SRRM1: variants seen among roughly 807,000 people sequenced by gnomAD.
SRRM1 encodes the protein serine and arginine repetitive matrix 1.
In SRRM1, 19 loss-of-function variants were observed where a neutral mutation model predicts 110.2. The ratio of observed to expected loss-of-function variants is 0.17; its 90% CI spans 0.12 to 0.25. The LOEUF is 0.25. Among genes scored for constraint, SRRM1 ranks in the 10% least tolerant of loss-of-function variants. The probability of loss-of-function intolerance (pLI) is 1.00; values close to 1 mark genes in which losing one functional copy is unlikely to be tolerated. For missense variants in SRRM1, 918 were observed against 1,145.8 expected (o/e 0.80, Z 2.87); for synonymous variants, 443 against 414.9 (o/e 1.07, Z -0.82).
chr1:24,662,898 CA>C, intron 12 of SRRM1, 94 bp downstream of exon 12: 1 of 1,511,716 alleles, frequency 6.6e-7, no homozygotes, highest in Non-Finnish European at 9.0e-7. Context: ...TTAACTCCTT[CA>C]AGTATTTGGA....
intron 1 of SRRM1, 70 bp downstream of exon 1, chr1:24,643,417 C>G: frequency 7.1e-7 from 1 of 1,415,436 alleles, no homozygotes; most frequent in Non-Finnish European, 9.4e-7. Context: ...GAGACCTTAG[C>G]TTGGCACAGG....
At chr1:24,652,863 A>G in intron 7 of SRRM1, 50 bp from the exon 8 acceptor site, 1 of 1,547,804 alleles carries the variant, frequency 6.5e-7, no homozygotes. Context: ...TAAGCCAAGA[A>G]ATTCCTCACT....
intron 14 of SRRM1, 47 bp from the exon 15 acceptor site, chr1:24,670,073 G>C (rs1292135237): frequency 6.7e-7 from 1 of 1,485,322 alleles, no homozygotes; most frequent in Non-Finnish European, 9.0e-7. Flanking sequence ...CTCATGTGAA[G>C]AGAGATGGCT....
intron 12 of SRRM1, among the ~76,000 whole-genome samples, chr1:24,666,331 G>C (rs1380394567): frequency 6.6e-6 from 1 of 152,126 alleles, no homozygotes; most frequent in African/African-American, 2.4e-5. Context: ...CTGCCACCCA[G>C]GGTCTTGACT....
intron 13 of SRRM1, among the ~76,000 whole-genome samples, chr1:24,667,965 CTTTTTTTT>C (rs1038405035): frequency 1.3e-3 from 86 of 68,524 alleles, no homozygotes; most frequent in African/African-American, 5.6e-3. Context: ...TGCTGCCACT[CTTTTTTTT>C]TTTTTTTTTT....
In SRRM1 at chr1:24,653,042, T is replaced by G. The variant is rs1045894355; in HGVS notation, c.1040+10T>G. 6.2e-7 allele frequency: 1 copy of G among 1,607,482 alleles called. No homozygotes were observed. Among genetic ancestry groups the G allele is most frequent in the South Asian group, 1.1e-5 (1 of 90,004 alleles). On this transcript the variant is annotated intron_variant, in intron 8 of 16. Coordinates refer to ENST00000323848, the MANE Select transcript of SRRM1 (RefSeq NM_005839.4). ...GATCTCCAGTAAGACGGTAAGATTT[T>G]TTAAATTTGGAAGTGTCAAGTGTTT... is the stretch of plus-strand genomic sequence containing the variant.
At chr1:24,668,878 G>A (rs569225463) in intron 13 of SRRM1, among the ~76,000 whole-genome samples, 42 of 152,274 alleles carry the variant, frequency 2.8e-4, no homozygotes, top group Admixed American at 1.5e-3. Flanking sequence ...GCAAATTTTT[G>A]TTAATCAAAA....
At chr1:24,659,725 A>G (rs1299288653) in intron 9 of SRRM1, among the ~76,000 whole-genome samples, 2 of 151,764 alleles carry the variant, frequency 1.3e-5, no homozygotes, top group African/African-American at 4.9e-5. Flanking sequence ...GAAATGGAAC[A>G]GGGAGAAAGG....
intron 5 of SRRM1, 24 bp downstream of exon 5, chr1:24,650,110 T>A (rs371822363): frequency 3.5e-5 from 53 of 1,509,850 alleles, no homozygotes; most frequent in Non-Finnish European, 4.3e-5. Context: ...GATGCATAAC[T>A]GATGTTTTAC....
chr1:24,658,351 C>T (rs1422274813), intron 9 of SRRM1, among the ~76,000 whole-genome samples: 1 of 151,982 alleles, frequency 6.6e-6, no homozygotes, highest in African/African-American at 2.4e-5. Flanking sequence ...GCTGGGATTA[C>T]AGGCACATGC....
At chr1:24,663,878 AAATAAT>A (rs10555916) in intron 12 of SRRM1, among the ~76,000 whole-genome samples, 7,707 of 141,442 alleles carry the variant, frequency 0.054, 250 homozygotes, top group Non-Finnish European at 0.069. Context: ...TCCCTCTCAA[AAATAAT>A]AATAATAATA....
chr1:24,664,725 T>G (rs1439991366), intron 12 of SRRM1, among the ~76,000 whole-genome samples: 5 of 152,198 alleles, frequency 3.3e-5, no homozygotes, highest in African/African-American at 1.2e-4. Flanking sequence ...TAATAAAAGA[T>G]AAAAACCTAA....
At position 24,654,982 on chromosome 1, in the gene SRRM1, C is replaced by T. The variant is rs778687601; in HGVS notation, c.1168C>T (p.Pro390Ser). 1.2e-6 allele frequency: 2 copies of T among 1,614,172 alleles called. No homozygotes were observed. Among genetic ancestry groups the T allele is most frequent in the Non-Finnish European group, 1.7e-6 (2 of 1,180,024 alleles). ...SPPRKTRRLS[P>S]SASPPRRRHR... ...CCCTCGGAAAACTCGTAGGTTATCT[C>T]CTTCAGCAAGTCCTCCAAGGCGAAG... The change falls in exon 9 of 17, where the codon CCT (proline) becomes TCT (serine). Residue 390 changes from proline to serine, a missense_variant. Coordinates refer to ENST00000323848, the MANE Select transcript of SRRM1 (RefSeq NM_005839.4).
intron 9 of SRRM1, among the ~76,000 whole-genome samples, chr1:24,660,429 G>A (rs1666560983): frequency 6.6e-6 from 1 of 152,142 alleles, no homozygotes; most frequent in Non-Finnish European, 1.5e-5. Flanking sequence ...AGGTCTTACA[G>A]GAATTTTTTA....
At chr1:24,659,212 GAGAA>G (rs1170418105) in intron 9 of SRRM1, among the ~76,000 whole-genome samples, 3 of 151,878 alleles carry the variant, frequency 2.0e-5, no homozygotes, top group Non-Finnish European at 2.9e-5. Flanking sequence ...AAAAAAGAGA[GAGAA>G]AGGGAAAAGT....
intron 11 of SRRM1, 102 bp downstream of exon 11, chr1:24,661,498 C>T (rs895607321): frequency 1.6e-5 from 12 of 773,308 alleles, no homozygotes; most frequent in Non-Finnish European, 2.2e-5. Context: ...TACTTGCCTA[C>T]ATAGAAATCT....
In SRRM1 at chr1:24,673,245, G is replaced by A. The variant is rs1178761824; in HGVS notation, c.*959G>A. 2 of 151,788 alleles carry A rather than the reference G, an allele frequency of 1.3e-5. No homozygotes were observed. Among genetic ancestry groups the A allele is most frequent in the Non-Finnish European group, 2.9e-5 (2 of 67,978 alleles). 9.4% of individuals were successfully genotyped at this position (151,788 alleles called of 1,614,324 possible). Reference sequence around the variant, plus strand: ...CTATATAAAGCTTGTGGATTAAACAGAATAAATTTCTAAATTTAAAAATTT... The same window carrying A: ...CTATATAAAGCTTGTGGATTAAACAAAATAAATTTCTAAATTTAAAAATTT... On this transcript the variant is annotated 3_prime_UTR_variant, in exon 17 of 17. Coordinates refer to ENST00000323848, the MANE Select transcript of SRRM1 (RefSeq NM_005839.4).
Position 24,669,174 on chromosome 1 carries a change from T to C in SRRM1, c.1791T>C (p.Ser597=). ...GCTCACCTTCTCCTAGAAGATACTC[T>C]CCTCCAATACAGAGGAGATACTCTC... ...RRRSPSPRRY[S]PPIQRRYSPS... is the part of the protein sequence containing the mutation. The change falls in exon 14 of 17, where the codon TCT becomes TCC. Residue 597 remains serine, a synonymous_variant. Transcript: ENST00000323848. 1 of 1,613,748 alleles carries C rather than the reference T, an allele frequency of 6.2e-7. No individual in the cohort carries two copies. Among genetic ancestry groups the C allele is most frequent in the Non-Finnish European group, 8.5e-7 (1 of 1,179,812 alleles).
At chr1:24,648,658 G>T (rs1008125993) in intron 3 of SRRM1, 102 of 484,388 alleles carry the variant, frequency 2.1e-4, no homozygotes, top group Non-Finnish European at 3.6e-4. Context: ...GAGTGAGAGA[G>T]AATTTGGTAA....
Sources: allele counts gnomAD v4.1 joint callset (sites outside exome capture counted in the v4.1 genomes callset), GRCh38; gene constraint gnomAD v4.1.1; transcripts MANE v1.5; gene names NCBI Gene and HGNC (gene_info 2026-07-23, HGNC 2026-07-21).